GABRB2: variants seen among roughly 807,000 people sequenced by gnomAD.
The protein encoded by GABRB2 is gamma-aminobutyric acid receptor subunit beta-2.
GABRB2 carries 16 observed loss-of-function variants against 54.7 expected under a neutral mutation model. The observed-to-expected ratio is 0.29, with a 90% CI of 0.20 to 0.44. GABRB2 has a LOEUF of 0.44. Among genes scored for constraint, GABRB2 ranks in the 20% least tolerant of loss-of-function variants. GABRB2 has a pLI of 1.00. For missense variants in GABRB2, 355 were observed against 644.0 expected (o/e 0.55, Z 4.86); for synonymous variants, 244 against 233.8 (o/e 1.04, Z -0.40).
At chr5:161,502,611 G>T (rs916534398) in intron 3 of GABRB2, among the ~76,000 whole-genome samples, 1 of 152,148 alleles carries the variant, frequency 6.6e-6, no homozygotes, top group Admixed American at 6.5e-5. Context: ...ACAGCCCAGG[G>T]CTGTGATCTT....
chr5:161,453,506 G>T (rs184027190), intron 4 of GABRB2, among the ~76,000 whole-genome samples: 2 of 152,200 alleles, frequency 1.3e-5, no homozygotes, highest in African/African-American at 2.4e-5. Context: ...CAGTGAGAAG[G>T]TATCATCCAT....
chr5:161,360,993 C>T (rs534124787), intron 5 of GABRB2, among the ~76,000 whole-genome samples: 4 of 151,452 alleles, frequency 2.6e-5, no homozygotes, highest in East Asian at 1.9e-4. Context: ...CTGGGTAGCA[C>T]GGTGAGACCC....
At chr5:161,388,749 G>C (rs1349225472) in intron 5 of GABRB2, among the ~76,000 whole-genome samples, 3 of 151,682 alleles carry the variant, frequency 2.0e-5, no homozygotes, top group African/African-American at 7.3e-5. Flanking sequence ...GTAGTATAAT[G>C]TTTACTACAT....
At chr5:161,439,335 T>A (rs1479744017) in intron 4 of GABRB2, among the ~76,000 whole-genome samples, 1 of 152,146 alleles carries the variant, frequency 6.6e-6, no homozygotes, top group East Asian at 1.9e-4. Flanking sequence ...AAATAAAGAC[T>A]TTCCCAGATG....
chr5:161,425,571 AG>A (rs1228482763), intron 4 of GABRB2, among the ~76,000 whole-genome samples: 8 of 152,142 alleles, frequency 5.3e-5, no homozygotes, highest in Admixed American at 4.6e-4. Context: ...AATACACTAC[AG>A]TATAGTGTAA....
At chr5:161,474,780 C>T (rs1758545880) in intron 3 of GABRB2, among the ~76,000 whole-genome samples, 1 of 151,910 alleles carries the variant, frequency 6.6e-6, no homozygotes, top group Admixed American at 6.6e-5. Flanking sequence ...TTTTCTCTAA[C>T]TACATTCAAA....
chr5:161,480,120 G>A (rs1260833237), intron 3 of GABRB2, among the ~76,000 whole-genome samples: 4 of 151,868 alleles, frequency 2.6e-5, no homozygotes, highest in Admixed American at 2.6e-4. Context: ...CAGTACAATG[G>A]TAGTCCTTTC....
rs12108701 is a variant in GABRB2 at position 161,361,176 on chromosome 5, A to T, written c.542-24407T>A. On this transcript the variant is annotated intron_variant, in intron 5 of 9. Coordinates refer to ENST00000393959, the MANE Select transcript of GABRB2 (RefSeq NM_001371727.1). The stretch of plus-strand genomic sequence containing the variant: ...AGAAATGAGAGACAATTACAATTGT[A>T]TGGGCTTCATTTCAATCCTAATTTG... Among the ~76,000 whole-genome samples the T allele has an allele frequency of 3.5e-3, 530 of 152,234 alleles. 6 individuals are homozygous for T. Among genetic ancestry groups the T allele is most frequent in the African/African-American group, 0.012 (501 of 41,578 alleles).
rs563145766 is a variant in GABRB2 at position 161,489,868 on chromosome 5, T to A, written c.238-30024A>T. On this transcript the variant is annotated intron_variant, in intron 3 of 9. Coordinates refer to ENST00000393959, the MANE Select transcript of GABRB2 (RefSeq NM_001371727.1). ...TAAGAATACAAGCTCCTTCTCTTTA[T>A]GAGATTGCACTGTTTTATAAACTTA... is the stretch of plus-strand genomic sequence containing the variant. Among the ~76,000 whole-genome samples the A allele has an allele frequency of 3.2e-4, 48 of 151,750 alleles. 1 individual carries two copies. The highest frequency in any genetic ancestry group is 8.9e-5 in the Non-Finnish European group (6 of 67,776).
At chr5:161,319,664 TACGTTATGTG>T (rs1758151178) in intron 9 of GABRB2, among the ~76,000 whole-genome samples, 1 of 151,606 alleles carries the variant, frequency 6.6e-6, no homozygotes, top group Non-Finnish European at 1.5e-5. Context: ...GTACCTTATT[TACGTTATGTG>T]ACCATCTAAA....
At chr5:161,461,372 T>C (rs1335456341) in intron 3 of GABRB2, among the ~76,000 whole-genome samples, 1 of 152,182 alleles carries the variant, frequency 6.6e-6, no homozygotes, top group Non-Finnish European at 1.5e-5. Context: ...AATGTGAGCA[T>C]TGCTCTTGGG....
chr5:161,359,440 G>GACACACACACACACACACACACACACAC (rs57251440), intron 5 of GABRB2, among the ~76,000 whole-genome samples: 6 of 147,812 alleles, frequency 4.1e-5, no homozygotes, highest in Middle Eastern at 3.4e-3. Context: ...AATTGCATCT[G>GACACACACACACACACACACACACACAC]ACACACACAC....
intron 5 of GABRB2, among the ~76,000 whole-genome samples, chr5:161,349,068 C>T (rs991920781): frequency 1.7e-4 from 26 of 151,912 alleles, no homozygotes; most frequent in Admixed American, 1.7e-3. Flanking sequence ...TCATTAGTGC[C>T]GGCCAAGAAG....
At chr5:161,538,510 C>G (rs1178596202) in intron 3 of GABRB2, among the ~76,000 whole-genome samples, 1 of 152,160 alleles carries the variant, frequency 6.6e-6, no homozygotes, top group Non-Finnish European at 1.5e-5. Flanking sequence ...CAGTAAGAAT[C>G]TGATGTAACT....
At chr5:161,544,535 C>T (rs1349770215) in intron 3 of GABRB2, among the ~76,000 whole-genome samples, 1 of 152,172 alleles carries the variant, frequency 6.6e-6, no homozygotes, top group Non-Finnish European at 1.5e-5. Flanking sequence ...TTAACACTTG[C>T]CCCAAGTCCA....
intron 5 of GABRB2, among the ~76,000 whole-genome samples, chr5:161,389,044 C>G (rs919293917): frequency 5.9e-5 from 9 of 151,968 alleles, no homozygotes; most frequent in South Asian, 2.1e-4. Flanking sequence ...CCCATATGTT[C>G]TAGCCCTGAT....
chr5:161,411,212 T>C (rs1359336747), intron 4 of GABRB2, among the ~76,000 whole-genome samples, 155 bp from the exon 5 acceptor site: 1 of 152,220 alleles, frequency 6.6e-6, no homozygotes, highest in Admixed American at 6.5e-5. Flanking sequence ...TTTATGAATC[T>C]CACACTGATT....
chr5:161,529,362 A>AT (rs1760386207), intron 3 of GABRB2, among the ~76,000 whole-genome samples: 2 of 151,964 alleles, frequency 1.3e-5, no homozygotes, highest in Non-Finnish European at 2.9e-5. Context: ...CTGGGAGACT[A>AT]TGTTGGAGGC....
intron 5 of GABRB2, among the ~76,000 whole-genome samples, chr5:161,409,185 C>T (rs556466014): frequency 1.3e-5 from 2 of 152,164 alleles, no homozygotes; most frequent in South Asian, 4.1e-4. Context: ...AAGAAGTCAG[C>T]TATCTTCCAA....
Sources: allele counts gnomAD v4.1 joint callset (sites outside exome capture counted in the v4.1 genomes callset), GRCh38; gene constraint gnomAD v4.1.1; transcripts MANE v1.5; gene names NCBI Gene and HGNC (gene_info 2026-07-23, HGNC 2026-07-21).